The following ITIH6 variants were observed in gnomAD, a reference collection of about 807,000 sequenced individuals.
ITIH6 encodes the protein inter-alpha-trypsin inhibitor heavy chain family member 6, also known as inter-alpha-trypsin inhibitor heavy chain H6.
ITIH6 carries 60 observed loss-of-function variants against 58.2 expected under a neutral mutation model. The ratio of observed to expected loss-of-function variants is 1.03; its 90% CI spans 0.84 to 1.28. The LOEUF (loss-of-function observed/expected upper bound fraction) is 1.28. ITIH6 is among the 50% of genes most tolerant of loss of function. The pLI is 0.00. For synonymous variants in ITIH6, 493 were observed against 417.4 expected, an observed-to-expected ratio of 1.18 and a Z score of -2.21; for missense variants, 1,290 against 1,021.1, an observed-to-expected ratio of 1.26 and a Z score of -3.59.
intron 6 of ITIH6, among the ~76,000 whole-genome samples, chrX:54,763,314 A>G (rs1928693824): frequency 9.0e-6 from 1 of 111,283 alleles, no homozygotes; most frequent in Non-Finnish European, 1.9e-5. Flanking sequence ...GTTTCCATTG[A>G]GAGGGAAGAG....
Position 54,790,830 on chromosome X carries a change from C to T in ITIH6, c.616+7G>A. On this transcript the variant is annotated splice_region_variant and intron_variant, in intron 4 of 12. Transcript: ENST00000218436. ...CTGATGGGTGACCCATAGTGCTGCC[C>T]ACATACTTGCATGGGCATTGGTGCG... 5 of 1,211,757 alleles carry T rather than the reference C, an allele frequency of 4.1e-6. No individual in the cohort carries two copies. The highest frequency in any genetic ancestry group is 5.6e-6 in the Non-Finnish European group (5 of 895,257).
intron 6 of ITIH6, among the ~76,000 whole-genome samples, chrX:54,762,311 T>C (rs917069043): frequency 8.9e-6 from 1 of 111,831 alleles, no homozygotes; most frequent in African/African-American, 3.3e-5. Context: ...TTTGCTGAAG[T>C]TGCTTATCAG....
chrX:54,770,590 T>C (rs925302354), intron 6 of ITIH6, among the ~76,000 whole-genome samples: 3 of 112,434 alleles, frequency 2.7e-5, no homozygotes, highest in Non-Finnish European at 5.6e-5. Context: ...CAAATAACAC[T>C]ATACAGCTTT....
chrX:54,770,233 C>A (rs762388867), intron 6 of ITIH6, among the ~76,000 whole-genome samples: 1 of 112,737 alleles, frequency 8.9e-6, no homozygotes. Context: ...CGCCCTGCTT[C>A]GGCTCGCGCA....
intron 6 of ITIH6, among the ~76,000 whole-genome samples, chrX:54,772,791 G>C (rs1434767797): frequency 8.9e-6 from 1 of 111,914 alleles, no homozygotes; most frequent in Non-Finnish European, 1.9e-5. Context: ...CTATTTTTTT[G>C]ACAGGGTCTT....
intron 6 of ITIH6, among the ~76,000 whole-genome samples, chrX:54,772,873 C>T (rs1928980608): frequency 9.0e-6 from 1 of 111,532 alleles, no homozygotes; most frequent in South Asian, 3.8e-4. Flanking sequence ...TGGGCTCAAG[C>T]CATTTTCCAA....
Position 54,757,448 on chromosome X carries a change from T to A in ITIH6, c.2626A>T (p.Thr876Ser). 2.5e-6 allele frequency: 3 copies of A among 1,210,112 alleles called. No individual in the cohort carries two copies. Among genetic ancestry groups the A allele is most frequent in the Non-Finnish European group, 3.4e-6 (3 of 894,683 alleles). ...GTTTGAGGCATATGGGGGTTTGGGG[T>A]CTCAGGCTTGGAAAGTGATATGCTT... ...STSISLSKPE[T>S]PNPHMPQTPL... Residue 876 changes from threonine to serine, a missense_variant, in exon 8 of 13, where the codon ACC (threonine) becomes TCC (serine). Physicochemically the swap from Thr to Ser is moderately conservative, Grantham distance 58. Transcript: ENST00000218436.
chrX:54,771,778 C>T (rs1928957209), intron 6 of ITIH6, among the ~76,000 whole-genome samples: 1 of 111,372 alleles, frequency 9.0e-6, no homozygotes, highest in South Asian at 3.8e-4. Context: ...GAAATCAAAA[C>T]CACAATGAGA....
rs34188213 is a variant in ITIH6, at chrX:54,758,915, C to G, written c.1159G>C (p.Gly387Arg). The change falls in exon 8 of 13, where the codon GGG becomes CGG. Residue 387 changes from glycine (G) to arginine (R), a missense_variant. Physicochemically the swap from Gly to Arg is moderately radical, Grantham distance 125. Coordinates refer to ENST00000218436, the MANE Select transcript of ITIH6 (RefSeq NM_198510.3). Reference protein sequence around the residue: ...NQEPGRGPSVGRIPLIIFLTD... With the variant: ...NQEPGRGPSVRRIPLIIFLTD... ...AGGAAGATGATAAGAGGGATCCTCC[C>G]CACACTGGGGCCCCTCCCAGGCTCC... The G allele has an allele frequency of 0.01, 12,201 of 1,206,099 alleles. 813 individuals carry two copies. The African/African-American group carries it at 0.19, about 19-fold the overall frequency.
In ITIH6 at chrX:54,797,869, T is replaced by A. The variant is rs181794280; in HGVS notation, c.102+240A>T. Among the ~76,000 whole-genome samples the A allele has an allele frequency of 4.6e-3, 515 of 110,977 alleles. 1 individual carries two copies. Among genetic ancestry groups the A allele is most frequent in the Non-Finnish European group, 7.6e-3 (401 of 52,936 alleles). On this transcript the variant is annotated intron_variant, in intron 1 of 12. Coordinates refer to ENST00000218436, the MANE Select transcript of ITIH6 (RefSeq NM_198510.3). ...TGGAACCTCTGTTTTCTCTTCTCTA[T>A]AATGGGGATAATAATATAGCCCAGC...
chrX:54,794,603 C>G (rs1929407795), intron 2 of ITIH6, among the ~76,000 whole-genome samples: 1 of 111,166 alleles, frequency 9.0e-6, no homozygotes, highest in African/African-American at 3.3e-5. Context: ...TGACTCCATA[C>G]CAATCCCCTC....
intron 5 of ITIH6, among the ~76,000 whole-genome samples, chrX:54,775,298 C>T (rs1365814245): frequency 2.7e-5 from 3 of 111,657 alleles, no homozygotes; most frequent in African/African-American, 9.8e-5. Context: ...CCCATGCCCA[C>T]CAGGGCCCCC....
At chrX:54,760,772 A>AT (rs1384555601) in intron 6 of ITIH6, among the ~76,000 whole-genome samples, 1 of 111,268 alleles carries the variant, frequency 9.0e-6, no homozygotes, top group East Asian at 2.8e-4. Flanking sequence ...TGAACTCATC[A>AT]TTTTTTATGG....
intron 12 of ITIH6, among the ~76,000 whole-genome samples, chrX:54,750,485 C>A (rs1027374239): frequency 9.0e-6 from 1 of 111,385 alleles, no homozygotes; most frequent in Non-Finnish European, 1.9e-5. Flanking sequence ...GTCTCCTGAC[C>A]TACAGCCTGG....
chrX:54,772,958 A>C (rs1448436622), intron 6 of ITIH6, among the ~76,000 whole-genome samples: 1 of 111,305 alleles, frequency 9.0e-6, no homozygotes, highest in African/African-American at 3.3e-5. Context: ...TTTAGTAGAG[A>C]CAGGGTTTTG....
chrX:54,776,410 G>A (rs1455008070), intron 5 of ITIH6, among the ~76,000 whole-genome samples: 1 of 110,253 alleles, frequency 9.1e-6, no homozygotes, highest in Non-Finnish European at 1.9e-5. Flanking sequence ...GCTGAACTGG[G>A]CCCAGAGACA....
At chrX:54,785,699 G>A (rs1284843619) in intron 5 of ITIH6, among the ~76,000 whole-genome samples, 3 of 111,277 alleles carry the variant, frequency 2.7e-5, no homozygotes, top group Non-Finnish European at 3.8e-5. Flanking sequence ...CACTCCCTTC[G>A]CAGTGCTTCC....
rs1487762555 is a variant in ITIH6, at chrX:54,788,834, C to A, written c.617-185G>T. 4.4e-5 allele frequency among the ~76,000 whole-genome samples: 5 copies of A among 112,372 alleles called. No homozygotes were observed. In the South Asian group the frequency reaches 1.5e-3, roughly 33 times the overall value. ...CATGCTCCTCTCCCAGTCCCACAGC[C>A]AGCTCCTCTCTGCATCCTCCATTGA... On this transcript the variant is annotated intron_variant, in intron 4 of 12. Transcript: ENST00000218436.
intron 6 of ITIH6, among the ~76,000 whole-genome samples, chrX:54,773,685 C>A (rs1928997068): frequency 9.2e-6 from 1 of 108,558 alleles, no homozygotes; most frequent in South Asian, 4.1e-4. Flanking sequence ...TACTATTAGG[C>A]CTTTAAAGTA....
Sources: gnomAD v4.1 joint callset for allele counts (sites outside exome capture counted in the v4.1 genomes callset) on GRCh38, gnomAD v4.1.1 for gene constraint, MANE v1.5 for transcripts, NCBI Gene and HGNC (gene_info 2026-07-23, HGNC 2026-07-21) for gene names.